Variants in TECPR2 observed in about 807,000 individuals in gnomAD.
The protein encoded by TECPR2 is tectonin beta-propeller repeat-containing protein 2.
TECPR2 carries 65 observed loss-of-function variants against 138.1 expected under a neutral mutation model. The observed-to-expected ratio is 0.47, with a 90% CI of 0.39 to 0.58. The LOEUF is 0.58. Among genes scored for constraint, TECPR2 ranks in the 20% least tolerant of loss-of-function variants. The pLI is 0.00. For synonymous variants in TECPR2, 746 were observed against 749.8 expected (o/e 0.99, Z 0.08); for missense variants, 1,553 against 1,824.5 (o/e 0.85, Z 2.71).
rs141709076 is a variant in TECPR2 at position 102,376,769 on chromosome 14, G to T, written c.48G>T (p.Leu16Phe). 6.2e-7 allele frequency: 1 copy of T among 1,614,054 alleles called. No individual in the cohort carries two copies. The highest frequency in any genetic ancestry group is 8.5e-7 in the Non-Finnish European group (1 of 1,180,048). ...TTACATTCAGAGAGTTCTGCCCGTTGTACTATCTCCTCAATGCCATTCCGA... is the reference window on the plus strand; with the variant it reads ...TTACATTCAGAGAGTTCTGCCCGTTTTACTATCTCCTCAATGCCATTCCGA... The part of the protein sequence containing the change: ...EPVTFREFCP[L>F]YYLLNAIPTK... The change falls in exon 2 of 20, where the codon TTG becomes TTT. Residue 16 changes from leucine (L) to phenylalanine (F), a missense_variant. Transcript: ENST00000359520.
At chr14:102,384,570 AG>A (rs1403977817) in intron 2 of TECPR2, among the ~76,000 whole-genome samples, 2 of 151,760 alleles carry the variant, frequency 1.3e-5, no homozygotes, top group Admixed American at 6.6e-5. Context: ...CCAGCTACTC[AG>A]GAGGCTAAGG....
chr14:102,502,474 A>G lies in TECPR2; in HGVS notation c.*4217A>G, dbSNP rs1043157187. On this transcript the variant is annotated 3_prime_UTR_variant, in exon 20 of 20. Transcript: ENST00000359520. The stretch of plus-strand genomic sequence containing the variant: ...AAAAATAAAGCAGATTTACATTTTA[A>G]AAATTCAGTTGTCTCTAACTACTCT... 2 of 152,644 alleles carry G rather than the reference A, an allele frequency of 1.3e-5. No homozygotes were observed. The highest frequency in any genetic ancestry group is 2.9e-5 in the Non-Finnish European group (2 of 68,036). The allele number at this position is 152,644 out of a possible 1,614,324, so 9.5% of individuals were successfully genotyped here. A position where few individuals can be genotyped will look rare whatever the true frequency, so the allele number is the denominator to read the frequency against.
At chr14:102,453,662 G>A (rs1402952269) in intron 16 of TECPR2, among the ~76,000 whole-genome samples, 1 of 152,110 alleles carries the variant, frequency 6.6e-6, no homozygotes, top group East Asian at 1.9e-4. Context: ...ATGGCCCCCA[G>A]GGCCCGGATG....
At position 102,497,556 on chromosome 14, in the gene TECPR2, C is replaced by G. The variant is rs1166705696; in HGVS notation, c.3932-14C>G. 1.3e-6 allele frequency: 2 copies of G among 1,567,182 alleles called. No homozygotes were observed. The highest frequency in any genetic ancestry group is 2.7e-5 in the African/African-American group (2 of 73,748). ...CCATGGCAGGGGCTCAGGAGGGACC[C>G]TGTCTGCCCACAGGGTTGCAGGCCT... is the stretch of plus-strand genomic sequence containing the variant. On this transcript the variant is annotated splice_polypyrimidine_tract_variant and intron_variant, in intron 18 of 19. Coordinates refer to ENST00000359520, the MANE Select transcript of TECPR2 (RefSeq NM_014844.5).
chr14:102,479,449 G>A (rs527922612), intron 17 of TECPR2, among the ~76,000 whole-genome samples: 5 of 152,326 alleles, frequency 3.3e-5, no homozygotes, highest in African/African-American at 1.2e-4. Flanking sequence ...CATCTTTGGA[G>A]GATCTTGACT....
At position 102,443,651 on chromosome 14, in the gene TECPR2, G is replaced by A. The variant is rs771941325; in HGVS notation, c.2757G>A (p.Leu919=). 1.3e-6 allele frequency: 2 copies of A among 1,586,606 alleles called. No homozygotes were observed. Among genetic ancestry groups the A allele is most frequent in the South Asian group, 1.1e-5 (1 of 88,454 alleles). The change falls in exon 12 of 20, where the codon CTG becomes CTA. Residue 919 remains leucine (L), a synonymous_variant. Transcript: ENST00000359520. The surrounding 1 kb of genome is among the most constrained non-coding windows in gnomAD (Gnocchi z 4.9). The part of the protein sequence containing the change: ...TSGDLYLQTG[L]SVDRPCARAV... Reference sequence around the variant, plus strand: ...TTCTTCCCATCTTCCTGGCAGGTCTGAGCGTGGATCGCCCTTGTGCCAGAG... The same window carrying A: ...TTCTTCCCATCTTCCTGGCAGGTCTAAGCGTGGATCGCCCTTGTGCCAGAG...
chr14:102,363,692 G>C (rs114366201), intron 1 of TECPR2, among the ~76,000 whole-genome samples: 1 of 152,226 alleles, frequency 6.6e-6, no homozygotes, highest in South Asian at 2.1e-4. Context: ...AGCCGGGCAG[G>C]TCCCAGCGGC....
intron 17 of TECPR2, among the ~76,000 whole-genome samples, chr14:102,482,719 C>A (rs1465727051): frequency 6.6e-6 from 1 of 152,148 alleles, no homozygotes; most frequent in African/African-American, 2.4e-5. Context: ...TCTGTGTTCA[C>A]CCTTGACCTT....
chr14:102,432,595 A>C (rs1022567245), intron 8 of TECPR2, among the ~76,000 whole-genome samples: 2 of 151,992 alleles, frequency 1.3e-5, no homozygotes, highest in Admixed American at 6.5e-5. Flanking sequence ...GGGTTTCTCC[A>C]TGTTGGTCAG....
At chr14:102,476,267 C>T (rs1376548048) in intron 17 of TECPR2, among the ~76,000 whole-genome samples, 2 of 146,888 alleles carry the variant, frequency 1.4e-5, no homozygotes, top group African/African-American at 2.5e-5. Context: ...TGTGGTGGCT[C>T]GTGCCTGCAA....
At chr14:102,391,178 C>T (rs1285234174) in intron 2 of TECPR2, among the ~76,000 whole-genome samples, 2 of 152,300 alleles carry the variant, frequency 1.3e-5, no homozygotes, top group South Asian at 4.1e-4. Context: ...TTGCCTCAGC[C>T]TCCCAAATAG....
intron 1 of TECPR2, among the ~76,000 whole-genome samples, chr14:102,366,961 A>G (rs1887360654): frequency 6.6e-6 from 1 of 152,212 alleles, no homozygotes; most frequent in South Asian, 2.1e-4. Flanking sequence ...CTGAGACCCC[A>G]CAGTTGAGAA....
At chr14:102,372,342 C>T (rs2139651552) in intron 1 of TECPR2, among the ~76,000 whole-genome samples, 1 of 152,136 alleles carries the variant, frequency 6.6e-6, no homozygotes, top group Non-Finnish European at 1.5e-5. Flanking sequence ...CTTGGCTCAC[C>T]ACAACCTCTG....
intron 2 of TECPR2, among the ~76,000 whole-genome samples, chr14:102,380,023 G>A (rs1388221904): frequency 4.6e-3 from 280 of 61,298 alleles, no homozygotes; most frequent in African/African-American, 6.8e-3. Flanking sequence ...CTTAAAATCC[G>A]TGCACAGAGG....
rs189815130 is a variant in TECPR2 at position 102,386,666 on chromosome 14, A to G, written c.219+9726A>G. On this transcript the variant is annotated intron_variant, in intron 2 of 19. Coordinates refer to ENST00000359520, the MANE Select transcript of TECPR2 (RefSeq NM_014844.5). The stretch of plus-strand genomic sequence containing the variant: ...GCTGAGGGAGGAAGAGTGAAAGGGA[A>G]TTACGTATTTTTTTAACTTTACTGA... Among the ~76,000 whole-genome samples the G allele has an allele frequency of 2.2e-3, 331 of 152,218 alleles. 3 individuals are homozygous for G. Among genetic ancestry groups the G allele is most frequent in the African/African-American group, 7.6e-3 (314 of 41,542 alleles).
At position 102,465,364 on chromosome 14, in the gene TECPR2, G is replaced by A. The variant is rs1890531280; in HGVS notation, c.3789+75G>A. 6 of 1,576,880 alleles carry A rather than the reference G, an allele frequency of 3.8e-6. No individual in the cohort carries two copies. The South Asian group carries it at 5.8e-5, about 15-fold the overall frequency. The stretch of plus-strand genomic sequence containing the variant: ...GTGAGGATGCTGGTACTGGGAAAAA[G>A]GATCTGCACAGCCTCTAGAGGCCTC... On this transcript the variant is annotated intron_variant, in intron 17 of 19. Transcript: ENST00000359520.
chr14:102,479,736 T>C (rs1433490092), intron 17 of TECPR2, among the ~76,000 whole-genome samples: 1 of 152,214 alleles, frequency 6.6e-6, no homozygotes, highest in African/African-American at 2.4e-5. Context: ...TTTTGGTGAC[T>C]GGACCAGTTG....
intron 2 of TECPR2, among the ~76,000 whole-genome samples, chr14:102,387,773 G>T (rs1158722442): frequency 6.6e-6 from 1 of 152,082 alleles, no homozygotes; most frequent in Non-Finnish European, 1.5e-5. Context: ...TGATCCACTC[G>T]CCTCAGCCTC....
intron 4 of TECPR2, among the ~76,000 whole-genome samples, chr14:102,411,979 G>A (rs2139699842): frequency 6.6e-6 from 1 of 152,228 alleles, no homozygotes; most frequent in East Asian, 1.9e-4. Flanking sequence ...TAGTAAAAAT[G>A]TGGAATCTGA....
Sources: gnomAD v4.1 joint callset for allele counts (sites outside exome capture counted in the v4.1 genomes callset) on GRCh38, gnomAD v4.1.1 for gene constraint, Gnocchi (gnomAD v3.1) non-coding constraint, MANE v1.5 for transcripts, NCBI Gene and HGNC (gene_info 2026-07-23, HGNC 2026-07-21) for gene names.